The following SLC9C1 variants were observed in gnomAD, a reference collection of about 807,000 sequenced individuals.
SLC9C1 encodes sodium/hydrogen exchanger 10.
SLC9C1 carries 97 observed loss-of-function variants against 140.9 expected under a neutral mutation model. That is an observed-to-expected ratio of 0.69 (90% confidence interval 0.58 to 0.82). The LOEUF (loss-of-function observed/expected upper bound fraction) is 0.82. SLC9C1 is among the 40% of genes least tolerant of loss of function. SLC9C1 has a pLI of 0.00. For synonymous variants in SLC9C1, 440 were observed against 442.6 expected (o/e 0.99, Z 0.07); for missense variants, 1,340 against 1,389.3 (o/e 0.96, Z 0.56).
intron 2 of SLC9C1, among the ~76,000 whole-genome samples, chr3:112,283,444 A>G (rs951215624): frequency 7.3e-5 from 11 of 150,848 alleles, no homozygotes; most frequent in African/African-American, 2.7e-4. Flanking sequence ...GATTATTGCC[A>G]CTACAATGGG....
At chr3:112,150,968 G>T (rs2074961758) in intron 28 of SLC9C1, among the ~76,000 whole-genome samples, 1 of 151,186 alleles carries the variant, frequency 6.6e-6, no homozygotes, top group Admixed American at 6.6e-5. Context: ...CCCCTGAGTA[G>T]CTGGGATTAC....
At chr3:112,291,273 A>G (rs1231502042) in intron 1 of SLC9C1, among the ~76,000 whole-genome samples, 2 of 152,170 alleles carry the variant, frequency 1.3e-5, no homozygotes, top group Admixed American at 1.3e-4. Flanking sequence ...AACAAATGGG[A>G]TCTAATTAAA....
chr3:112,204,402 A>G lies in SLC9C1; in HGVS notation c.1988T>C (p.Ile663Thr), dbSNP rs1289027826. 4.5e-6 allele frequency: 7 copies of G among 1,560,704 alleles called. No individual in the cohort carries two copies. The highest frequency in any genetic ancestry group is 5.2e-6 in the Non-Finnish European group (6 of 1,162,728). Residue 663 changes from isoleucine to threonine, a missense_variant and splice_region_variant, in exon 17 of 29, where the codon ATA (isoleucine) becomes ACA (threonine). By Grantham distance (89) the Ile-to-Thr change is moderately conservative. Coordinates refer to ENST00000305815, the MANE Select transcript of SLC9C1 (RefSeq NM_183061.3). ...AAAAAAGTCCTTCCTCATTGCTGCT[A>G]TCTGTTGATTTAAAAGGAAATTACA... is the stretch of plus-strand genomic sequence containing the variant. ...TLYILEALLK[I>T]AAMRKDFFSH... is the part of the protein sequence containing the mutation.
At chr3:112,142,639 A>G (rs1006014397) in intron 28 of SLC9C1, among the ~76,000 whole-genome samples, 1 of 152,150 alleles carries the variant, frequency 6.6e-6, no homozygotes, top group Non-Finnish European at 1.5e-5. Flanking sequence ...CATTACCTAA[A>G]TCATTCTGAC....
intron 15 of SLC9C1, among the ~76,000 whole-genome samples, chr3:112,211,568 C>G (rs543142799): frequency 6.6e-6 from 1 of 152,254 alleles, no homozygotes; most frequent in Admixed American, 6.5e-5. Flanking sequence ...TATCCCGCAC[C>G]TGGCTCGGAG....
In SLC9C1 at chr3:112,155,069, A is replaced by AC. The variant is rs201930245; in HGVS notation, c.3365-21dup. 6.3e-6 allele frequency: 10 copies of AC among 1,588,808 alleles called. No individual in the cohort carries two copies. Among genetic ancestry groups the AC allele is most frequent in the South Asian group, 1.1e-5 (1 of 88,994 alleles). ...CTGAACCTGATTAAAAAAAAAAAAA[A>AC]CAGTGTTAATTCAACCACTGAAGCA... is the stretch of plus-strand genomic sequence containing the variant. On this transcript the variant is annotated intron_variant, in intron 26 of 28. Coordinates refer to ENST00000305815, the MANE Select transcript of SLC9C1 (RefSeq NM_183061.3).
chr3:112,161,216 A>G (rs1035100164), intron 26 of SLC9C1, among the ~76,000 whole-genome samples: 15 of 152,002 alleles, frequency 9.9e-5, no homozygotes, highest in Non-Finnish European at 1.6e-4. Context: ...CCCATTTTGT[A>G]GGTTGCCTGT....
rs544807168 is a variant in SLC9C1 at position 112,285,332 on chromosome 3, A to G, written c.88+1372T>C. ...CGGCTCACTGCAACCTTCGCCTCCC[A>G]GGCTCGAGCGATCCTCCCACCTCAG... is the stretch of plus-strand genomic sequence containing the variant. On this transcript the variant is annotated intron_variant, in intron 2 of 28. Coordinates refer to ENST00000305815, the MANE Select transcript of SLC9C1 (RefSeq NM_183061.3). Among the ~76,000 whole-genome samples the G allele has an allele frequency of 7.2e-5, 11 of 152,208 alleles. No homozygotes were observed. In the South Asian group the frequency reaches 2.1e-3, roughly 29 times the overall value.
chr3:112,161,014 T>C (rs1412538792), intron 26 of SLC9C1, among the ~76,000 whole-genome samples: 1 of 152,266 alleles, frequency 6.6e-6, no homozygotes. Flanking sequence ...ATTTCTCTGA[T>C]GACCAGTGAT....
intron 3 of SLC9C1, among the ~76,000 whole-genome samples, chr3:112,280,182 A>G (rs570983239): frequency 3.2e-4 from 48 of 152,344 alleles, no homozygotes; most frequent in African/African-American, 1.1e-3. Context: ...ATTCTGATTG[A>G]CTAGGGCAGA....
intron 20 of SLC9C1, among the ~76,000 whole-genome samples, chr3:112,197,034 G>T (rs1472002893): frequency 6.6e-6 from 1 of 151,858 alleles, no homozygotes; most frequent in African/African-American, 2.4e-5. Context: ...CCCAGAATTT[G>T]CTGTTTTGTT....
intron 13 of SLC9C1, among the ~76,000 whole-genome samples, chr3:112,229,563 A>G (rs1019239844): frequency 6.6e-6 from 1 of 152,040 alleles, no homozygotes. Flanking sequence ...TTAATAACAC[A>G]ATGTACAAAA....
chr3:112,185,494 T>C (rs2077517070), intron 20 of SLC9C1: 1 of 1,611,256 alleles, frequency 6.2e-7, no homozygotes, highest in Non-Finnish European at 8.5e-7. Flanking sequence ...ACCTGGCTGA[T>C]GATCTCTCCT....
intron 20 of SLC9C1, among the ~76,000 whole-genome samples, chr3:112,193,902 T>A (rs1163298682): frequency 6.6e-6 from 1 of 152,092 alleles, no homozygotes; most frequent in African/African-American, 2.4e-5. Flanking sequence ...GAGCCACAGC[T>A]GATCCTAGGC....
At chr3:112,190,107 T>G (rs1280546536) in intron 20 of SLC9C1, among the ~76,000 whole-genome samples, 1 of 152,236 alleles carries the variant, frequency 6.6e-6, no homozygotes, top group Non-Finnish European at 1.5e-5. Flanking sequence ...TTGCTGAAGC[T>G]GCTTATCAGC....
At chr3:112,207,805 G>C (rs973701067) in intron 16 of SLC9C1, among the ~76,000 whole-genome samples, 2 of 151,980 alleles carry the variant, frequency 1.3e-5, no homozygotes, top group Non-Finnish European at 2.9e-5. Context: ...ATTGTACTCT[G>C]TGTATTCCTC....
At chr3:112,150,330 G>T (rs2074920527) in intron 28 of SLC9C1, among the ~76,000 whole-genome samples, 2 of 152,132 alleles carry the variant, frequency 1.3e-5, no homozygotes, top group South Asian at 2.1e-4. Context: ...TAACTCGAGG[G>T]CTAGGGGAGA....
intron 10 of SLC9C1, among the ~76,000 whole-genome samples, chr3:112,262,658 T>G (rs2079807292): frequency 6.6e-6 from 1 of 151,894 alleles, no homozygotes; most frequent in Non-Finnish European, 1.5e-5. Flanking sequence ...AATAAATAAT[T>G]AAAACATTAT....
intron 11 of SLC9C1, among the ~76,000 whole-genome samples, chr3:112,242,192 A>G (rs556301637): frequency 1.3e-5 from 2 of 152,350 alleles, no homozygotes; most frequent in South Asian, 2.1e-4. Flanking sequence ...TTAGCAAACT[A>G]TACATCTAAC....
Sources: gnomAD v4.1 joint callset for allele counts (sites outside exome capture counted in the v4.1 genomes callset) on GRCh38, gnomAD v4.1.1 for gene constraint, MANE v1.5 for transcripts, NCBI Gene and HGNC (gene_info 2026-07-23, HGNC 2026-07-21) for gene names.